Variants in PHF6 observed in about 807,000 individuals in gnomAD.
PHF6 encodes the protein PHD finger protein 6, also known as PHD-like zinc finger protein.
PHF6 carries 7 observed loss-of-function variants against 34.0 expected under a neutral mutation model. That is an observed-to-expected ratio of 0.21 (90% CI 0.12 to 0.39). The LOEUF is 0.39. Among genes scored for constraint, PHF6 ranks in the 10% least tolerant of loss-of-function variants. The pLI, the probability that PHF6 is intolerant of heterozygous loss-of-function variation, is 1.00. For synonymous variants in PHF6, 89 were observed against 88.4 expected (o/e 1.01, Z -0.04); for missense variants, 128 against 262.8 (o/e 0.49, Z 3.55).
Position 134,417,322 on chromosome X carries a change from C to T in PHF6, c.968+20C>T. ...TTACAAGTAAGAAAACAACAGTTGT[C>T]TATTTCCCTAAACATGTTAGTAACC... On this transcript the variant is annotated intron_variant, in intron 9 of 10. Transcript: ENST00000370803. 8.3e-7 allele frequency: 1 copy of T among 1,200,029 alleles called. No individual in the cohort carries two copies. Among genetic ancestry groups the T allele is most frequent in the Non-Finnish European group, 1.1e-6 (1 of 886,462 alleles).
At position 134,427,020 on chromosome X, in the gene PHF6, A is replaced by T; in HGVS notation, c.*1360A>T. The T allele has an allele frequency of 6.1e-6, 1 of 163,265 alleles. No homozygotes were observed. Among genetic ancestry groups the T allele is most frequent in the African/African-American group, 3.0e-5 (1 of 33,178 alleles). 13.5% of individuals were successfully genotyped at this position (163,265 alleles called of 1,213,427 possible). ...TCTGCAGCTGATAGAGCAGCATTTT[A>T]AAAATGTAACAGGTGGAAAATTACA... is the stretch of plus-strand genomic sequence containing the variant. On this transcript the variant is annotated 3_prime_UTR_variant, in exon 11 of 11. Transcript: ENST00000370803.
chrX:134,423,217 T>A (rs1390878508), intron 9 of PHF6, among the ~76,000 whole-genome samples: 3 of 112,267 alleles, frequency 2.7e-5, no homozygotes, highest in Non-Finnish European at 5.6e-5. Flanking sequence ...AAAATCTCAT[T>A]TTAGACTTAA....
At chrX:134,422,306 T>G (rs1453839208) in intron 9 of PHF6, among the ~76,000 whole-genome samples, 2 of 112,341 alleles carry the variant, frequency 1.8e-5, no homozygotes, top group Admixed American at 9.5e-5. Flanking sequence ...ACATCTAGGT[T>G]GTTTTTGCTT....
At chrX:134,421,919 T>TG (rs2077493075) in intron 9 of PHF6, among the ~76,000 whole-genome samples, 2 of 109,884 alleles carry the variant, frequency 1.8e-5, no homozygotes, top group African/African-American at 6.6e-5. Context: ...ACATCTTGTT[T>TG]TTTGTTTGTT....
In PHF6 at chrX:134,377,844, C is replaced by T. The variant is rs1029895648; in HGVS notation, c.138+89C>T. 1.1e-4 allele frequency: 112 copies of T among 978,282 alleles called. 1 individual carries two copies. Among genetic ancestry groups the T allele is most frequent in the Non-Finnish European group, 1.4e-4 (102 of 707,207 alleles). 80.6% of individuals were successfully genotyped at this position (978,282 alleles called of 1,213,427 possible). A position where few individuals can be genotyped will look rare whatever the true frequency, so the allele number is the denominator to read the frequency against. ...TGTTCCTGAATACTAAAAAAAAAAA[C>T]AAAAACCAAAAAAAACTCAGTTAAA... On this transcript the variant is annotated intron_variant, in intron 2 of 10. Transcript: ENST00000370803.
intron 5 of PHF6, among the ~76,000 whole-genome samples, chrX:134,395,438 A>G (rs941008537): frequency 1.8e-4 from 20 of 112,416 alleles, no homozygotes; most frequent in African/African-American, 5.8e-4. Context: ...TGTAAAAAGT[A>G]TGCGAAAACT....
At chrX:134,387,170 A>G (rs1218226057) in intron 3 of PHF6, among the ~76,000 whole-genome samples, 1 of 111,589 alleles carries the variant, frequency 9.0e-6, no homozygotes, top group East Asian at 2.8e-4. Context: ...TTTACTTTTG[A>G]GGTGATAAAG....
At chrX:134,413,152 G>C (rs997613937) in intron 5 of PHF6, among the ~76,000 whole-genome samples, 14 of 111,889 alleles carry the variant, frequency 1.3e-4, no homozygotes, top group African/African-American at 4.5e-4. Flanking sequence ...ACATTGAATA[G>C]CACAGATATA....
intron 5 of PHF6, among the ~76,000 whole-genome samples, chrX:134,405,275 T>C (rs1438004981): frequency 9.0e-6 from 1 of 111,523 alleles, no homozygotes; most frequent in East Asian, 2.8e-4. Context: ...CGATCTCGGC[T>C]CACTGCAGCC....
At chrX:134,379,504 G>A (rs12838364) in intron 3 of PHF6, among the ~76,000 whole-genome samples, 5 of 91,312 alleles carry the variant, frequency 5.5e-5, no homozygotes, top group Non-Finnish European at 1.0e-4. Context: ...GTGCAGTGGC[G>A]CAGTCTCAGC....
chrX:134,390,828 C>G (rs1423602999), intron 3 of PHF6, among the ~76,000 whole-genome samples: 2 of 110,777 alleles, frequency 1.8e-5, no homozygotes, highest in African/African-American at 6.6e-5. Flanking sequence ...GTTTTGTATC[C>G]TGCCTCATTT....
At chrX:134,398,087 G>C (rs886959751) in intron 5 of PHF6, among the ~76,000 whole-genome samples, 17 of 111,901 alleles carry the variant, frequency 1.5e-4, no homozygotes, top group Non-Finnish European at 3.0e-4. Flanking sequence ...TTGATAGAAA[G>C]CTATGTAAGT....
At chrX:134,380,519 G>A (rs1488419403) in intron 3 of PHF6, among the ~76,000 whole-genome samples, 1 of 111,608 alleles carries the variant, frequency 9.0e-6, no homozygotes, top group Non-Finnish European at 1.9e-5. Flanking sequence ...TTATAGTGTA[G>A]GGAGATAATT....
intron 5 of PHF6, among the ~76,000 whole-genome samples, chrX:134,395,137 G>A (rs2077372270): frequency 2.7e-5 from 3 of 112,072 alleles, no homozygotes; most frequent in Admixed American, 9.5e-5. Flanking sequence ...ACAGGCGTGA[G>A]CCACTGTGCT....
At chrX:134,375,598 T>C (rs949748670) in intron 1 of PHF6, among the ~76,000 whole-genome samples, 5 of 112,015 alleles carry the variant, frequency 4.5e-5, no homozygotes, top group Admixed American at 1.9e-4. Flanking sequence ...CGGGATTTGA[T>C]TTATACTGTG....
chrX:134,374,258 T>A (rs930083064), intron 1 of PHF6, among the ~76,000 whole-genome samples: 3 of 112,051 alleles, frequency 2.7e-5, no homozygotes, highest in African/African-American at 9.8e-5. Flanking sequence ...AAATCTTTTG[T>A]TTTTAGAAAA....
At chrX:134,374,550 C>T (rs773306348) in intron 1 of PHF6, among the ~76,000 whole-genome samples, 33 of 112,331 alleles carry the variant, frequency 2.9e-4, no homozygotes, top group Non-Finnish European at 5.1e-4. Flanking sequence ...TATATTTCAG[C>T]TTGCTTTCGC....
intron 3 of PHF6, among the ~76,000 whole-genome samples, chrX:134,381,495 AT>A (rs72244870): frequency 0.12 from 11,073 of 95,530 alleles, 575 homozygotes; most frequent in East Asian, 0.2. Context: ...CCTAATTGAC[AT>A]TTTTTTTTTT....
chrX:134,386,306 T>C (rs1456566075), intron 3 of PHF6, among the ~76,000 whole-genome samples: 1 of 111,339 alleles, frequency 9.0e-6, no homozygotes, highest in Admixed American at 9.6e-5. Context: ...CTATTGGTGC[T>C]ACTAAATCGT....
Sources: gnomAD v4.1 joint callset for allele counts (sites outside exome capture counted in the v4.1 genomes callset) on GRCh38, gnomAD v4.1.1 for gene constraint, MANE v1.5 for transcripts, NCBI Gene and HGNC (gene_info 2026-07-23, HGNC 2026-07-21) for gene names.